EPSTI1: variants seen among roughly 807,000 people sequenced by gnomAD.
The protein encoded by EPSTI1 is epithelial-stromal interaction protein 1.
A neutral mutation model predicts 49.9 loss-of-function variants in EPSTI1; 66 were observed. That is an observed-to-expected ratio of 1.32 (90% confidence interval 1.08 to 1.62). EPSTI1 has a LOEUF of 1.62. EPSTI1 is among the 40% of genes most tolerant of loss of function. The pLI, the probability that EPSTI1 is intolerant of heterozygous loss-of-function variation, is 0.00. For missense variants in EPSTI1, 394 were observed against 365.5 expected (o/e 1.08, Z -0.64); for synonymous variants, 137 against 130.7 (o/e 1.05, Z -0.33).
intron 7 of EPSTI1, among the ~76,000 whole-genome samples, chr13:42,918,865 C>A (rs1300180028): frequency 6.6e-6 from 1 of 152,042 alleles, no homozygotes; most frequent in Non-Finnish European, 1.5e-5. Flanking sequence ...TCTCTGACAA[C>A]CCCTTCTTTT....
Position 42,926,367 on chromosome 13 carries a change from C to T in EPSTI1, c.626G>A (p.Ser209Asn), listed in dbSNP as rs763631037. 8 of 1,613,380 alleles carry T rather than the reference C, an allele frequency of 5.0e-6. No homozygotes were observed. The South Asian group carries it at 8.8e-5, about 18-fold the overall frequency. Residue 209 changes from serine (S) to asparagine (N), a missense_variant, in exon 7 of 11, where the codon AGT becomes AAT. Physicochemically the swap from Ser to Asn is conservative, Grantham distance 46. Coordinates refer to ENST00000313624, the MANE Select transcript of EPSTI1 (RefSeq NM_033255.5). ...TESPDRSACQ[S>N]AVCGPQSSTW... is the part of the protein sequence containing the mutation. ...TGAGGATTGTGGGCCACAAACAGCACTTTGACAGGCACTTCTGTCTGGCGA... is the reference window on the plus strand; with the variant it reads ...TGAGGATTGTGGGCCACAAACAGCATTTTGACAGGCACTTCTGTCTGGCGA...
chr13:42,948,462 G>GTTT (rs35811528), intron 6 of EPSTI1, among the ~76,000 whole-genome samples: 1 of 139,618 alleles, frequency 7.2e-6, no homozygotes, highest in African/African-American at 2.7e-5. Flanking sequence ...TGTTTTTTGT[G>GTTT]TTTTTTTTTT....
intron 8 of EPSTI1, among the ~76,000 whole-genome samples, chr13:42,916,272 T>TA (rs11284293): frequency 8.3e-4 from 122 of 146,312 alleles, no homozygotes; most frequent in African/African-American, 2.9e-3. Flanking sequence ...GATATTTATT[T>TA]AAAAAAAAAA....
chr13:42,955,774 C>T (rs758184706), intron 5 of EPSTI1, among the ~76,000 whole-genome samples: 5 of 150,484 alleles, frequency 3.3e-5, no homozygotes, highest in Admixed American at 1.3e-4. Context: ...TGCACTCCAG[C>T]CTGGGCGACA....
At chr13:42,977,994 CA>C (rs954816483) in intron 1 of EPSTI1, among the ~76,000 whole-genome samples, 4 of 150,848 alleles carry the variant, frequency 2.7e-5, no homozygotes, top group African/African-American at 9.7e-5. Context: ...ACTAAAAATA[CA>C]AAAAAAAATT....
intron 5 of EPSTI1, among the ~76,000 whole-genome samples, chr13:42,954,847 C>T (rs1566152881): frequency 6.6e-6 from 1 of 152,120 alleles, no homozygotes. Flanking sequence ...CAGTAAGGAG[C>T]TGGGGTTGCT....
chr13:42,954,038 C>A lies in EPSTI1; in HGVS notation c.490-17G>T. 1.3e-6 allele frequency: 2 copies of A among 1,597,636 alleles called. No homozygotes were observed. Among genetic ancestry groups the A allele is most frequent in the Non-Finnish European group, 1.7e-6 (2 of 1,170,370 alleles). ...TTTATTGCTCTGAAATTGCAAATAT[C>A]AAAACATAACTTATTAAAGATGCTT... On this transcript the variant is annotated splice_polypyrimidine_tract_variant and intron_variant, in intron 5 of 10. Coordinates refer to ENST00000313624, the MANE Select transcript of EPSTI1 (RefSeq NM_033255.5).
chr13:42,915,224 G>C (rs531093328), intron 8 of EPSTI1, among the ~76,000 whole-genome samples: 1 of 152,184 alleles, frequency 6.6e-6, no homozygotes, highest in Non-Finnish European at 1.5e-5. Flanking sequence ...AGGAATGAAA[G>C]GTTCTACAAA....
intron 9 of EPSTI1, among the ~76,000 whole-genome samples, chr13:42,900,008 A>G (rs2037308024): frequency 6.6e-6 from 1 of 152,216 alleles, no homozygotes; most frequent in African/African-American, 2.4e-5. Flanking sequence ...GTTTTGTCCT[A>G]CGGTAGGCAA....
At chr13:42,904,038 A>G (rs1378407050) in intron 8 of EPSTI1, among the ~76,000 whole-genome samples, 2 of 152,230 alleles carry the variant, frequency 1.3e-5, no homozygotes, top group South Asian at 2.1e-4. Context: ...TTGCATCTAC[A>G]TGATAGGCTA....
intron 6 of EPSTI1, among the ~76,000 whole-genome samples, chr13:42,936,451 T>C (rs2038567426): frequency 6.6e-6 from 1 of 152,232 alleles, no homozygotes; most frequent in Non-Finnish European, 1.5e-5. Context: ...CACTGGTCCT[T>C]CTCTCATTTG....
chr13:42,989,560 C>CCTTTTTCTTTTTTTTTTTTTT (rs2040149066), intron 1 of EPSTI1, among the ~76,000 whole-genome samples: 1 of 37,030 alleles, frequency 2.7e-5, no homozygotes, highest in African/African-American at 6.7e-5. Context: ...ACTTTATCCT[C>CCTTTTTCTTTTTTTTTTTTTT]TTTTTTCTTT....
chr13:42,909,249 C>G (rs1282814091), intron 8 of EPSTI1, among the ~76,000 whole-genome samples: 1 of 152,066 alleles, frequency 6.6e-6, no homozygotes, highest in Admixed American at 6.6e-5. Context: ...TTATCTCACC[C>G]CCATTACAAG....
intron 6 of EPSTI1, among the ~76,000 whole-genome samples, chr13:42,927,071 A>T (rs947843913): frequency 6.6e-6 from 1 of 151,796 alleles, no homozygotes; most frequent in Non-Finnish European, 1.5e-5. Context: ...AACCCTCCAT[A>T]GGGTTTATCT....
chr13:42,944,994 C>T (rs2038876149), intron 6 of EPSTI1, among the ~76,000 whole-genome samples: 1 of 152,198 alleles, frequency 6.6e-6, no homozygotes, highest in African/African-American at 2.4e-5. Context: ...TAGACCTACC[C>T]CTGCTTCCTG....
At chr13:42,955,783 C>T (rs2039241033) in intron 5 of EPSTI1, among the ~76,000 whole-genome samples, 1 of 143,146 alleles carries the variant, frequency 7.0e-6, no homozygotes, top group Admixed American at 7.5e-5. Context: ...GCCTGGGCGA[C>T]AAGAGTGAAA....
chr13:42,937,109 T>C (rs139245608), intron 6 of EPSTI1, among the ~76,000 whole-genome samples: 25 of 152,366 alleles, frequency 1.6e-4, no homozygotes, highest in East Asian at 7.7e-4. Context: ...ATAAATTTTT[T>C]TGTTTTCCAT....
chr13:42,932,697 G>C (rs1197873704), intron 6 of EPSTI1, among the ~76,000 whole-genome samples: 2 of 150,922 alleles, frequency 1.3e-5, no homozygotes, highest in South Asian at 2.1e-4. Context: ...GCAGATAACA[G>C]GATATTAGTA....
intron 6 of EPSTI1, among the ~76,000 whole-genome samples, chr13:42,939,577 G>C (rs2038685538): frequency 6.6e-6 from 1 of 152,196 alleles, no homozygotes; most frequent in South Asian, 2.1e-4. Flanking sequence ...CAGGGGAACA[G>C]TTAGAACACA....
Sources: allele counts gnomAD v4.1 joint callset (sites outside exome capture counted in the v4.1 genomes callset), GRCh38; gene constraint gnomAD v4.1.1; transcripts MANE v1.5; gene names NCBI Gene and HGNC (gene_info 2026-07-23, HGNC 2026-07-21).